The following GRIP1 variants were observed in gnomAD, a reference collection of about 807,000 sequenced individuals.
The protein encoded by GRIP1 is glutamate receptor-interacting protein 1.
GRIP1 carries 45 observed loss-of-function variants against 129.9 expected under a neutral mutation model. That is an observed-to-expected ratio of 0.35 (90% CI 0.27 to 0.44). The LOEUF (loss-of-function observed/expected upper bound fraction) is 0.44. Among genes scored for constraint, GRIP1 ranks in the 20% least tolerant of loss-of-function variants. GRIP1 has a pLI of 1.00. For synonymous variants in GRIP1, 530 were observed against 520.8 expected (o/e 1.02, Z -0.24); for missense variants, 1,196 against 1,396.8 (o/e 0.86, Z 2.29).
intron 1 of GRIP1, among the ~76,000 whole-genome samples, chr12:66,607,857 C>T (rs2064607166): frequency 6.6e-6 from 1 of 152,162 alleles, no homozygotes; most frequent in African/African-American, 2.4e-5. Context: ...AGACTGTCAT[C>T]CCTCCTGGCC....
At chr12:66,591,132 A>G (rs1312124378) in intron 2 of GRIP1, among the ~76,000 whole-genome samples, 1 of 152,222 alleles carries the variant, frequency 6.6e-6, no homozygotes, top group Non-Finnish European at 1.5e-5. Context: ...TAAAAAAATA[A>G]TAAATTTATC....
chr12:66,549,197 C>T (rs1378708640), intron 2 of GRIP1, among the ~76,000 whole-genome samples: 1 of 152,082 alleles, frequency 6.6e-6, no homozygotes, highest in Non-Finnish European at 1.5e-5. Context: ...CTGGTAACTG[C>T]TGGATGAACG....
At chr12:66,397,191 G>T (rs1480400527) in intron 16 of GRIP1, among the ~76,000 whole-genome samples, 2 of 148,930 alleles carry the variant, frequency 1.3e-5, no homozygotes, top group African/African-American at 5.0e-5. Flanking sequence ...GATCATTTGG[G>T]ATTCTAATAA....
intron 1 of GRIP1, among the ~76,000 whole-genome samples, chr12:66,814,533 A>C (rs2039167402): frequency 6.6e-6 from 1 of 152,002 alleles, no homozygotes; most frequent in South Asian, 2.1e-4. Context: ...TAATTCAACA[A>C]AGAATTTACT....
intron 1 of GRIP1, among the ~76,000 whole-genome samples, chr12:66,647,958 G>C (rs2032499232): frequency 6.6e-6 from 1 of 152,136 alleles, no homozygotes; most frequent in African/African-American, 2.4e-5. Context: ...AGACCTTGTA[G>C]AGTAGCTGCA....
At position 66,371,915 on chromosome 12, in the gene GRIP1, A is replaced by T. The variant is rs759618124; in HGVS notation, c.2791T>A (p.Ser931Thr). ...RNMTLLATIM[S>T]GSTMSLNHEA... ...TGATTCAAACTCATCGTGCTCCCCG[A>T]CATGATTGTTGCCTGTGGCATTGAC... Residue 931 changes from serine (S) to threonine (T), a missense_variant, in exon 23 of 25, where the codon TCG becomes ACG. Transcript: ENST00000359742. 1.6e-5 allele frequency: 25 copies of T among 1,609,244 alleles called. No individual in the cohort carries two copies. Among genetic ancestry groups the T allele is most frequent in the Non-Finnish European group, 2.0e-5 (24 of 1,177,702 alleles).
intron 1 of GRIP1, among the ~76,000 whole-genome samples, chr12:66,972,153 T>C (rs2137579056): frequency 6.6e-6 from 1 of 152,298 alleles, no homozygotes; most frequent in Middle Eastern, 3.4e-3. Flanking sequence ...TGTGTCTTCA[T>C]CTGCAGTAAA....
chr12:66,796,107 A>G (rs1221255659), intron 1 of GRIP1, among the ~76,000 whole-genome samples: 1 of 152,020 alleles, frequency 6.6e-6, no homozygotes, highest in African/African-American at 2.4e-5. Context: ...GACAATCCCT[A>G]ACTTTGCAAT....
At chr12:66,873,256 G>T (rs1191340448) in intron 1 of GRIP1, among the ~76,000 whole-genome samples, 2 of 152,052 alleles carry the variant, frequency 1.3e-5, no homozygotes, top group Non-Finnish European at 1.5e-5. Flanking sequence ...AGTCACAAGA[G>T]GAGGGAATTC....
chr12:66,388,463 A>G (rs2056451228), intron 19 of GRIP1, among the ~76,000 whole-genome samples: 1 of 151,714 alleles, frequency 6.6e-6, no homozygotes, highest in East Asian at 1.9e-4. Context: ...ATGTACCACC[A>G]CCAATTTGCC....
intron 1 of GRIP1, among the ~76,000 whole-genome samples, chr12:66,694,719 C>G (rs2035095026): frequency 6.6e-6 from 1 of 152,074 alleles, no homozygotes; most frequent in Admixed American, 6.5e-5. Context: ...TCTTCCCCAA[C>G]CCACAGTCAC....
At chr12:66,402,636 C>A (rs1043783024) in intron 16 of GRIP1, among the ~76,000 whole-genome samples, 1 of 152,132 alleles carries the variant, frequency 6.6e-6, no homozygotes, top group Non-Finnish European at 1.5e-5. Context: ...GGAGAGCAGC[C>A]AGCAGTTAAA....
Position 66,630,766 on chromosome 12 carries a change from A to G in GRIP1, c.56-33839T>C, listed in dbSNP as rs1214596208. ...TATCACATTTTCAGTGCAATAAAAG[A>G]TGTTTTCAAATAGGTGAAAGCCTCT... On this transcript the variant is annotated intron_variant, in intron 1 of 24. Transcript: ENST00000359742. 2.0e-5 allele frequency among the ~76,000 whole-genome samples: 3 copies of G among 152,166 alleles called. No individual in the cohort carries two copies. In the East Asian group the frequency reaches 5.8e-4, roughly 29 times the overall value.
chr12:66,955,254 T>C (rs1048237987), intron 1 of GRIP1, among the ~76,000 whole-genome samples: 3 of 152,266 alleles, frequency 2.0e-5, no homozygotes, highest in African/African-American at 7.2e-5. Flanking sequence ...GTTTTTAATT[T>C]GCTAAAACTG....
intron 4 of GRIP1, among the ~76,000 whole-genome samples, chr12:66,534,842 C>T (rs764419875): frequency 2.0e-5 from 3 of 152,118 alleles, no homozygotes; most frequent in Non-Finnish European, 4.4e-5. Context: ...TACTGGCGCC[C>T]ACCACCATGC....
chr12:66,378,839 CAG>C (rs557582997), intron 20 of GRIP1, among the ~76,000 whole-genome samples: 102 of 152,224 alleles, frequency 6.7e-4, no homozygotes, highest in African/African-American at 2.4e-3. Context: ...CCCAGCTACT[CAG>C]GAGGCTGACG....
At chr12:66,633,232 AG>A (rs2031005120) in intron 1 of GRIP1, among the ~76,000 whole-genome samples, 1 of 146,728 alleles carries the variant, frequency 6.8e-6, no homozygotes, top group African/African-American at 2.5e-5. Flanking sequence ...TATATATATG[AG>A]TATTTTATAT....
chr12:66,413,976 C>T (rs994636045), intron 15 of GRIP1, among the ~76,000 whole-genome samples: 1 of 152,054 alleles, frequency 6.6e-6, no homozygotes, highest in African/African-American at 2.4e-5. Flanking sequence ...ATAGGACAAA[C>T]CCATAGCCAA....
intron 1 of GRIP1, among the ~76,000 whole-genome samples, chr12:66,871,553 TACCTGGC>T (rs2040296501): frequency 6.6e-6 from 1 of 152,084 alleles, no homozygotes; most frequent in Non-Finnish European, 1.5e-5. Context: ...CTTAATGAAA[TACCTGGC>T]ATATAACAAA....
Sources: allele counts gnomAD v4.1 joint callset (sites outside exome capture counted in the v4.1 genomes callset), GRCh38; gene constraint gnomAD v4.1.1; transcripts MANE v1.5; gene names NCBI Gene and HGNC (gene_info 2026-07-23, HGNC 2026-07-21).